CADPS2: variants seen among roughly 807,000 people sequenced by gnomAD.
CADPS2 encodes the protein calcium-dependent secretion activator 2.
Under a neutral mutation model 172.5 loss-of-function variants are expected in CADPS2, and 93 were observed. That is an observed-to-expected ratio of 0.54 (90% CI 0.46 to 0.64). The LOEUF (loss-of-function observed/expected upper bound fraction) is 0.64, where lower values mean the gene tolerates loss of function less well. Among genes scored for constraint, CADPS2 ranks in the 30% least tolerant of loss-of-function variants. CADPS2 has a pLI of 0.00. For synonymous variants in CADPS2, 546 were observed against 555.2 expected (o/e 0.98, Z 0.23); for missense variants, 1,420 against 1,565.9 (o/e 0.91, Z 1.57).
At chr7:122,348,936 T>C (rs548176142) in intron 27 of CADPS2, among the ~76,000 whole-genome samples, 2 of 152,302 alleles carry the variant, frequency 1.3e-5, no homozygotes, top group East Asian at 1.9e-4. Flanking sequence ...GCTGGTTCAA[T>C]GCTCCCATGT....
intron 17 of CADPS2, among the ~76,000 whole-genome samples, chr7:122,417,358 G>A (rs1303209803): frequency 6.6e-6 from 1 of 152,146 alleles, no homozygotes; most frequent in Admixed American, 6.5e-5. Context: ...CTACAGAATG[G>A]AAAGCCATTG....
intron 19 of CADPS2, among the ~76,000 whole-genome samples, chr7:122,408,115 A>C (rs1266960954): frequency 6.6e-6 from 1 of 151,708 alleles, no homozygotes; most frequent in African/African-American, 2.4e-5. Flanking sequence ...TACACTTTAT[A>C]AGATTTTCCT....
intron 2 of CADPS2, among the ~76,000 whole-genome samples, chr7:122,716,479 C>A (rs546953640): frequency 6.6e-6 from 1 of 152,028 alleles, no homozygotes; most frequent in Non-Finnish European, 1.5e-5. Flanking sequence ...AGCTCCCAGT[C>A]AGCAGAAAGC....
At chr7:122,325,630 A>C (rs1242362337) in intron 28 of CADPS2, 49 bp from the exon 29 acceptor site, 11 of 1,147,880 alleles carry the variant, frequency 9.6e-6, no homozygotes, top group African/African-American at 1.5e-5. Flanking sequence ...AAAAGAAAAC[A>C]ACCTCTGCAG....
intron 6 of CADPS2, among the ~76,000 whole-genome samples, chr7:122,589,774 T>A (rs1467153755): frequency 6.6e-6 from 1 of 151,784 alleles, no homozygotes. Context: ...TGAAAATGAA[T>A]GAGCTTATGA....
chr7:122,797,396 G>C (rs185951087), intron 1 of CADPS2, among the ~76,000 whole-genome samples: 1 of 152,120 alleles, frequency 6.6e-6, no homozygotes, highest in Non-Finnish European at 1.5e-5. Flanking sequence ...ACACATGCAC[G>C]TGTGTGTTCA....
intron 1 of CADPS2, among the ~76,000 whole-genome samples, chr7:122,817,116 T>A (rs962193266): frequency 6.6e-6 from 1 of 152,108 alleles, no homozygotes; most frequent in Non-Finnish European, 1.5e-5. Flanking sequence ...CCAGGTGAAA[T>A]AAGCAGCCAT....
In CADPS2 at chr7:122,769,728, G is replaced by A. The variant is rs571245695; in HGVS notation, c.340-32660C>T. 1.8e-4 allele frequency among the ~76,000 whole-genome samples: 28 copies of A among 152,224 alleles called. No homozygotes were observed. The South Asian group carries it at 5.8e-3, about 32-fold the overall frequency. ...TCTTGTTCAGGGGCAATACGGGATCGCACAAAAGGCATGGGCTTCAGGGTG... is the reference window on the plus strand; with the variant it reads ...TCTTGTTCAGGGGCAATACGGGATCACACAAAAGGCATGGGCTTCAGGGTG... On this transcript the variant is annotated intron_variant, in intron 1 of 29. Coordinates refer to ENST00000449022, the MANE Select transcript of CADPS2 (RefSeq NM_017954.11).
intron 2 of CADPS2, among the ~76,000 whole-genome samples, chr7:122,674,833 C>G (rs1026678627): frequency 3.9e-5 from 6 of 152,192 alleles, no homozygotes; most frequent in African/African-American, 1.4e-4. Flanking sequence ...ATAAGACATG[C>G]CTTTTTCTCC....
At chr7:122,721,820 G>A (rs554854893) in intron 2 of CADPS2, among the ~76,000 whole-genome samples, 1 of 152,100 alleles carries the variant, frequency 6.6e-6, no homozygotes, top group Non-Finnish European at 1.5e-5. Context: ...GAATCCAGCA[G>A]CATATCAAAA....
chr7:122,403,009 T>C (rs2046159833), intron 20 of CADPS2, among the ~76,000 whole-genome samples: 1 of 152,204 alleles, frequency 6.6e-6, no homozygotes, highest in Non-Finnish European at 1.5e-5. Flanking sequence ...GAATAGAAGT[T>C]CAATATTTTC....
chr7:122,765,864 T>C (rs993228927), intron 1 of CADPS2, among the ~76,000 whole-genome samples: 4 of 152,120 alleles, frequency 2.6e-5, no homozygotes, highest in African/African-American at 7.2e-5. Context: ...GGAGCTCTTA[T>C]ATAAAATCCA....
chr7:122,609,708 T>A (rs2074054788), intron 6 of CADPS2, among the ~76,000 whole-genome samples: 1 of 152,084 alleles, frequency 6.6e-6, no homozygotes, highest in Non-Finnish European at 1.5e-5. Flanking sequence ...TGGCAGGAAA[T>A]CAGAACTACA....
intron 2 of CADPS2, among the ~76,000 whole-genome samples, chr7:122,676,279 G>C (rs2082372304): frequency 1.3e-5 from 2 of 152,184 alleles, no homozygotes; most frequent in African/African-American, 4.8e-5. Context: ...TCAATTACTT[G>C]TTAGGGTCCT....
rs577319825 is a variant in CADPS2, at chr7:122,680,587, G to A, written c.454-17018C>T. 7.9e-5 allele frequency among the ~76,000 whole-genome samples: 12 copies of A among 152,258 alleles called. No homozygotes were observed. The South Asian group carries it at 1.0e-3, about 13-fold the overall frequency. On this transcript the variant is annotated intron_variant, in intron 2 of 29. Transcript: ENST00000449022. ...AAATTAGCCAGGTGTGGTGGTGCAC[G>A]CCTGTAATCCCAGCTACTCAGGAAG...
rs1246562656 is a variant in CADPS2 at position 122,323,931 on chromosome 7, CA to C, written c.3717+1545del. ...TATATATATATATATATGGCAAATACATTATCCTGACTCTCTTTTCTGAAGA... is the reference window on the plus strand; with the variant it reads ...TATATATATATATATATGGCAAATACTTATCCTGACTCTCTTTTCTGAAGA... On this transcript the variant is annotated intron_variant, in intron 29 of 29. Transcript: ENST00000449022. Among the ~76,000 whole-genome samples, 4 of 128,948 alleles carry C rather than the reference CA, an allele frequency of 3.1e-5. No individual in the cohort carries two copies. The East Asian group carries it at 9.1e-4, about 29-fold the overall frequency. The allele number at this position is 128,948 out of a possible 152,430, so 84.6% of individuals were successfully genotyped here.
rs941074284 is a variant in CADPS2, at chr7:122,674,400, T to A, written c.454-10831A>T. Reference sequence around the variant, plus strand: ...TCACCTTTCACTATGTATGTCACATTTGTCCACATTTCAGTAAATTTTAAC... The same window carrying A: ...TCACCTTTCACTATGTATGTCACATATGTCCACATTTCAGTAAATTTTAAC... On this transcript the variant is annotated intron_variant, in intron 2 of 29. Coordinates refer to ENST00000449022, the MANE Select transcript of CADPS2 (RefSeq NM_017954.11). Among the ~76,000 whole-genome samples the A allele has an allele frequency of 4.6e-5, 7 of 152,302 alleles. No homozygotes were observed. In the East Asian group the frequency reaches 1.4e-3, roughly 30 times the overall value.
intron 11 of CADPS2, among the ~76,000 whole-genome samples, 165 bp from the exon 12 acceptor site, chr7:122,481,025 G>A (rs1263326784): frequency 6.6e-6 from 1 of 152,062 alleles, no homozygotes; most frequent in African/African-American, 2.4e-5. Context: ...AATTGATTAT[G>A]TAAGTCAATG....
rs1223202873 is a variant in CADPS2 at position 122,742,750 on chromosome 7, GAGCCACTGTTCT to G, written c.340-5694_340-5683del. 3.3e-5 allele frequency among the ~76,000 whole-genome samples: 5 copies of G among 152,126 alleles called. No homozygotes were observed. In the East Asian group the frequency reaches 9.7e-4, roughly 29 times the overall value. On this transcript the variant is annotated intron_variant, in intron 1 of 29. Transcript: ENST00000449022. ...ATGTTCCATCTTGCTAGATGTATCTGAGCCACTGTTCTAGTTAAGAATTATTTTGGAATTCTG... is the reference window on the plus strand; with the variant it reads ...ATGTTCCATCTTGCTAGATGTATCTGAGTTAAGAATTATTTTGGAATTCTG...
Sources: gnomAD v4.1 joint callset for allele counts (sites outside exome capture counted in the v4.1 genomes callset) on GRCh38, gnomAD v4.1.1 for gene constraint, MANE v1.5 for transcripts, NCBI Gene and HGNC (gene_info 2026-07-23, HGNC 2026-07-21) for gene names.